Variants in SLC6A19 observed in about 807,000 individuals in gnomAD.
SLC6A19 encodes the protein solute carrier family 6 member 19.
Under a neutral mutation model 68.3 loss-of-function variants are expected in SLC6A19, and 67 were observed. The observed-to-expected ratio is 0.98, with a 90% CI of 0.81 to 1.20. The LOEUF is 1.20. Among genes scored for constraint, SLC6A19 ranks in the 50% most tolerant of loss-of-function variants. The pLI is 0.00. For missense variants in SLC6A19, 813 were observed against 851.6 expected (o/e 0.95, Z 0.56); for synonymous variants, 392 against 374.9 (o/e 1.05, Z -0.53).
At chr5:1,213,608 G>T (rs528676104) in intron 5 of SLC6A19, 35 bp downstream of exon 5, 17 of 1,581,000 alleles carry the variant, frequency 1.1e-5, no homozygotes, top group Non-Finnish European at 1.5e-5. Context: ...CCCAGACCCC[G>T]GGAGAGGCCT....
chr5:1,207,034 G>A (rs572267591), intron 1 of SLC6A19, among the ~76,000 whole-genome samples: 2 of 152,360 alleles, frequency 1.3e-5, no homozygotes, highest in Admixed American at 1.3e-4. Context: ...GGCGCGACGG[G>A]AGCTGCTTCC....
In SLC6A19 at chr5:1,218,996, A is replaced by G. The variant is rs1310132319; in HGVS notation, c.1267A>G (p.Met423Val). 2 of 1,613,920 alleles carry G rather than the reference A, an allele frequency of 1.2e-6. No homozygotes were observed. Among genetic ancestry groups the G allele is most frequent in the Non-Finnish European group, 1.7e-6 (2 of 1,180,000 alleles). The change falls in exon 9 of 12, where the codon ATG becomes GTG. Residue 423 changes from methionine (M) to valine (V), a missense_variant. Met to Val is a conservative substitution (Grantham distance 21, BLOSUM62 1). Transcript: ENST00000304460. ...ACTGTGGTCTGTGCTCTTCTTCATT[A>G]TGCTCTTCTGCCTGGGGCTGTCATC... ...SPLWSVLFFIMLFCLGLSSMF... is the reference protein window; with the variant it reads ...SPLWSVLFFIVLFCLGLSSMF...
At chr5:1,217,066 C>T in intron 8 of SLC6A19, 121 bp downstream of exon 8, 1 of 1,475,620 alleles carries the variant, frequency 6.8e-7, no homozygotes, top group East Asian at 2.3e-5. Flanking sequence ...GCCGGGAGGC[C>T]CAGCTCCCAC....
At position 1,214,774 on chromosome 5, in the gene SLC6A19, G is replaced by T. The variant is rs954406405; in HGVS notation, c.887+709G>T. On this transcript the variant is annotated intron_variant, in intron 6 of 11. Transcript: ENST00000304460. The surrounding 1 kb of genome is among the most constrained non-coding windows in gnomAD (Gnocchi z 7.4). Reference sequence around the variant, plus strand: ...GTGGCCCTCCAGGCTGTGAAGGTGCGATTGGAGTCAGACACAGGGGACCCT... The same window carrying T: ...GTGGCCCTCCAGGCTGTGAAGGTGCTATTGGAGTCAGACACAGGGGACCCT... 3.4e-5 allele frequency among the ~76,000 whole-genome samples: 5 copies of T among 147,254 alleles called. No individual in the cohort carries two copies. The highest frequency in any genetic ancestry group is 7.5e-5 in the Non-Finnish European group (5 of 66,462).
intron 2 of SLC6A19, 28 bp downstream of exon 2, chr5:1,208,914 G>A: frequency 1.3e-6 from 2 of 1,596,790 alleles, no homozygotes; most frequent in East Asian, 2.2e-5. Flanking sequence ...GTTCCACCCG[G>A]GCCCAGGGGT....
intron 8 of SLC6A19, among the ~76,000 whole-genome samples, chr5:1,218,549 T>C (rs1177223754): frequency 6.6e-6 from 1 of 152,172 alleles, no homozygotes; most frequent in Non-Finnish European, 1.5e-5. Context: ...GTCCAGGGTA[T>C]GCGTTTATTA....
rs559310684 is a variant in SLC6A19 at position 1,224,893 on chromosome 5, G to A, written c.*2989G>A. On this transcript the variant is annotated 3_prime_UTR_variant, in exon 12 of 12. Transcript: ENST00000304460. ...GACTCAGCCCTCTGCCCCCACGCAC[G>A]GTGGGTGCCTGTCACCCTGTCCTGC... 193 of 154,500 alleles carry A rather than the reference G, an allele frequency of 1.2e-3. No individual in the cohort carries two copies. Among genetic ancestry groups the A allele is most frequent in the African/African-American group, 4.4e-3 (184 of 41,608 alleles). The allele number at this position is 154,500 out of a possible 1,614,324, so 9.6% of individuals were successfully genotyped here. A position where few individuals can be genotyped will look rare whatever the true frequency, so the allele number is the denominator to read the frequency against.
intron 11 of SLC6A19, 150 bp downstream of exon 11, chr5:1,221,463 A>AC: frequency 4.6e-6 from 5 of 1,098,746 alleles, no homozygotes; most frequent in Non-Finnish European, 6.6e-6. Flanking sequence ...TCCAGCCACC[A>AC]CCCCACGCAT....
Position 1,218,891 on chromosome 5 carries a change from T to C in SLC6A19, c.1174-12T>C, listed in dbSNP as rs773706547. 3 of 1,611,382 alleles carry C rather than the reference T, an allele frequency of 1.9e-6. No individual in the cohort carries two copies. Among genetic ancestry groups the C allele is most frequent in the Admixed American group, 3.3e-5 (2 of 60,016 alleles). ...GGGCAGAGGCCCTGGTGACTGTGTG[T>C]CATCCGTGCAGGCCGTGGAGGGCAC... On this transcript the variant is annotated splice_polypyrimidine_tract_variant and intron_variant, in intron 8 of 11. Transcript: ENST00000304460.
intron 8 of SLC6A19, among the ~76,000 whole-genome samples, chr5:1,217,720 A>G (rs1429522083): frequency 6.6e-6 from 1 of 152,244 alleles, no homozygotes; most frequent in South Asian, 2.1e-4. Flanking sequence ...TCTGGTCTAA[A>G]TGTCTTTTAA....
chr5:1,204,601 C>T (rs1443501439), intron 1 of SLC6A19, among the ~76,000 whole-genome samples: 2 of 152,248 alleles, frequency 1.3e-5, no homozygotes, highest in Non-Finnish European at 2.9e-5. Flanking sequence ...GTCCAGAAAC[C>T]TCAGTTGCCC....
intron 4 of SLC6A19, among the ~76,000 whole-genome samples, chr5:1,213,201 C>G (rs1479923511): frequency 9.7e-5 from 11 of 112,948 alleles, no homozygotes; most frequent in Non-Finnish European, 1.7e-4. Flanking sequence ...CCTGGCCCCC[C>G]ATCCCCATCC....
In SLC6A19 at chr5:1,215,141, T is replaced by C. The variant is rs1044639851; in HGVS notation, c.887+1076T>C. Among the ~76,000 whole-genome samples, 1 of 151,076 alleles carries C rather than the reference T, an allele frequency of 6.6e-6. No individual in the cohort carries two copies. The highest frequency in any genetic ancestry group is 6.6e-5 in the Admixed American group (1 of 15,204). On this transcript the variant is annotated intron_variant, in intron 6 of 11. Transcript: ENST00000304460. This position sits in a 1 kb window ranked among gnomAD's most constrained non-coding sequence, Gnocchi z 5.1. ...TGAGGGCAGGTGCTAGGAGGACCCCTGGGCACTGCAGGCAGCTGGGGCAGG... is the reference window on the plus strand; with the variant it reads ...TGAGGGCAGGTGCTAGGAGGACCCCCGGGCACTGCAGGCAGCTGGGGCAGG...
Position 1,224,327 on chromosome 5 carries a change from A to T in SLC6A19, c.*2423A>T, listed in dbSNP as rs1746484752. On this transcript the variant is annotated 3_prime_UTR_variant, in exon 12 of 12. Transcript: ENST00000304460. ...GTCTCTGTAAATGTGGTAGAAATGCAGGCTTTATGGGCATAAAGTGTACAT... is the reference window on the plus strand; with the variant it reads ...GTCTCTGTAAATGTGGTAGAAATGCTGGCTTTATGGGCATAAAGTGTACAT... 6.6e-6 allele frequency: 1 copy of T among 152,292 alleles called. No homozygotes were observed. Among genetic ancestry groups the T allele is most frequent in the African/African-American group, 2.4e-5 (1 of 41,484 alleles). 9.4% of individuals were successfully genotyped at this position (152,292 alleles called of 1,614,324 possible).
rs575321550 is a variant in SLC6A19, at chr5:1,204,736, G to A, written c.202+2884G>A. On this transcript the variant is annotated intron_variant, in intron 1 of 11. Transcript: ENST00000304460. ...GTGAGCGAGGTGGCGTGCGGGAGCC[G>A]GAGGAGCCACCCCTTCCAGGACCAT... Among the ~76,000 whole-genome samples, 264 of 152,336 alleles carry A rather than the reference G, an allele frequency of 1.7e-3. 1 individual carries two copies. The highest frequency in any genetic ancestry group is 3.9e-3 in the South Asian group (19 of 4,828).
Position 1,212,101 on chromosome 5 carries a change from G to T in SLC6A19, c.482-202G>T, listed in dbSNP as rs1746055202. ...GCATGGACCAGATGTGCACACGAGG[G>T]TGTAGCTGTGCATGTGTGCTGTGTG... is the stretch of plus-strand genomic sequence containing the variant. On this transcript the variant is annotated intron_variant, in intron 3 of 11. Coordinates refer to ENST00000304460, the MANE Select transcript of SLC6A19 (RefSeq NM_001003841.3). This position sits in a 1 kb window ranked among gnomAD's most constrained non-coding sequence, Gnocchi z 5.1. Among the ~76,000 whole-genome samples, 2 of 151,584 alleles carry T rather than the reference G, an allele frequency of 1.3e-5. No individual in the cohort carries two copies. Among genetic ancestry groups the T allele is most frequent in the Admixed American group, 1.3e-4 (2 of 15,252 alleles).
At position 1,214,286 on chromosome 5, in the gene SLC6A19, C is replaced by A. The variant is rs765861234; in HGVS notation, c.887+221C>A. ...CCTGTGAGGAGGGCCAGGAGCCGGGCGCCTGCAGCTTTCCCCACACCCGTC... is the reference window on the plus strand; with the variant it reads ...CCTGTGAGGAGGGCCAGGAGCCGGGAGCCTGCAGCTTTCCCCACACCCGTC... On this transcript the variant is annotated intron_variant, in intron 6 of 11. Transcript: ENST00000304460. This position sits in a 1 kb window ranked among gnomAD's most constrained non-coding sequence, Gnocchi z 7.4. Among the ~76,000 whole-genome samples the A allele has an allele frequency of 6.6e-6, 1 of 152,074 alleles. No homozygotes were observed. The highest frequency in any genetic ancestry group is 1.5e-5 in the Non-Finnish European group (1 of 68,000).
chr5:1,208,872 C>T lies in SLC6A19; in HGVS notation c.329C>T (p.Ala110Val), dbSNP rs750826028. The T allele has an allele frequency of 6.2e-7, 1 of 1,612,230 alleles. No individual in the cohort carries two copies. Among genetic ancestry groups the T allele is most frequent in the Non-Finnish European group, 8.5e-7 (1 of 1,179,798 alleles). Residue 110 changes from alanine (A) to valine (V), a missense_variant, in exon 2 of 12, where the codon GCC (alanine) becomes GTC (valine). By Grantham distance (64) the Ala-to-Val change is moderately conservative (BLOSUM62 0). Coordinates refer to ENST00000304460, the MANE Select transcript of SLC6A19 (RefSeq NM_001003841.3). ...GGTGTGTGGAGCTCCATCCACCCGG[C>T]CCTGAAGGGCCTAGGTGAGTGCCTC... ...SLGVWSSIHP[A>V]LKGLGLASML...
In SLC6A19 at chr5:1,221,803, A is replaced by G; in HGVS notation, c.1804A>G (p.Ile602Val). 1 of 1,614,198 alleles carries G rather than the reference A, an allele frequency of 6.2e-7. No individual in the cohort carries two copies. The highest frequency in any genetic ancestry group is 2.2e-5 in the East Asian group (1 of 44,886). The change falls in exon 12 of 12, where the codon ATC becomes GTC. Residue 602 changes from isoleucine (I) to valine (V), a missense_variant. Physicochemically the swap from Ile to Val is conservative, Grantham distance 29. Transcript: ENST00000304460. ...CTCCCTCACCATCCCTGGCTATGCCATCTACAAGCTCATCAGGAACCACTG... is the reference window on the plus strand; with the variant it reads ...CTCCCTCACCATCCCTGGCTATGCCGTCTACAAGCTCATCAGGAACCACTG... ...VPSLTIPGYA[I>V]YKLIRNHCQK...
Sources: allele counts gnomAD v4.1 joint callset (sites outside exome capture counted in the v4.1 genomes callset), GRCh38; gene constraint gnomAD v4.1.1; non-coding constraint Gnocchi (gnomAD v3.1); transcripts MANE v1.5; gene names NCBI Gene and HGNC (gene_info 2026-07-23, HGNC 2026-07-21).